Variants in AFF3 observed in about 807,000 individuals in gnomAD.
The protein encoded by AFF3 is ALF transcription elongation factor 3, also known as AF4/FMR2 family member 3.
Under a neutral mutation model 129.7 loss-of-function variants are expected in AFF3, and 32 were observed. The observed-to-expected ratio is 0.25, with a 90% CI of 0.19 to 0.33. The LOEUF is 0.33. AFF3 is among the 10% of genes least tolerant of loss of function. The pLI, the probability that AFF3 is intolerant of heterozygous loss-of-function variation, is 1.00. For synonymous variants in AFF3, 644 were observed against 635.4 expected, an observed-to-expected ratio of 1.01 and a Z score of -0.20; for missense variants, 1,373 against 1,592.0, an observed-to-expected ratio of 0.86 and a Z score of 2.34.
intron 10 of AFF3, among the ~76,000 whole-genome samples, chr2:99,733,916 T>A (rs1349083543): frequency 1.3e-5 from 2 of 152,174 alleles, no homozygotes; most frequent in Non-Finnish European, 2.9e-5. Flanking sequence ...AGCCCTTTGA[T>A]CTATTGTATA....
chr2:100,028,559 T>C (rs928735196), intron 4 of AFF3, among the ~76,000 whole-genome samples: 3 of 152,168 alleles, frequency 2.0e-5, no homozygotes, highest in Non-Finnish European at 4.4e-5. Flanking sequence ...ATAGTGTGCA[T>C]ATACATATAT....
At chr2:100,116,693 T>C (rs1691748285) in intron 2 of AFF3, among the ~76,000 whole-genome samples, 1 of 152,142 alleles carries the variant, frequency 6.6e-6, no homozygotes, top group African/African-American at 2.4e-5. Context: ...ATTTTCTATA[T>C]ATTAAACCCC....
chr2:100,055,014 T>C (rs1330515838), intron 4 of AFF3, among the ~76,000 whole-genome samples: 4 of 152,228 alleles, frequency 2.6e-5, no homozygotes, highest in Non-Finnish European at 5.9e-5. Flanking sequence ...ATTATGTCAA[T>C]GTAGGCTGAG....
chr2:99,649,384 T>C (rs1292298046), intron 13 of AFF3, among the ~76,000 whole-genome samples: 1 of 152,174 alleles, frequency 6.6e-6, no homozygotes, highest in Non-Finnish European at 1.5e-5. Context: ...TCTCTCTAAG[T>C]TTCTTGTCTC....
At chr2:100,135,274 C>T (rs1025107914) in intron 1 of AFF3, among the ~76,000 whole-genome samples, 1 of 152,178 alleles carries the variant, frequency 6.6e-6, no homozygotes, top group Non-Finnish European at 1.5e-5. Flanking sequence ...GACATTGTCA[C>T]GCCTCCCTCA....
intron 8 of AFF3, among the ~76,000 whole-genome samples, chr2:99,836,213 G>A (rs926176662): frequency 3.3e-5 from 5 of 151,944 alleles, no homozygotes; most frequent in Admixed American, 1.3e-4. Context: ...ATCCTTTTGT[G>A]GACATAAACA....
chr2:99,602,880 C>T (rs1282679242), intron 13 of AFF3, among the ~76,000 whole-genome samples: 1 of 152,198 alleles, frequency 6.6e-6, no homozygotes, highest in African/African-American at 2.4e-5. Context: ...AGGTAATACT[C>T]ATTGGAGCTT....
At chr2:99,930,436 G>A (rs539585277) in intron 7 of AFF3, among the ~76,000 whole-genome samples, 21 of 152,132 alleles carry the variant, frequency 1.4e-4, no homozygotes, top group Non-Finnish European at 2.2e-4. Context: ...TGTACCATGC[G>A]GTCAGCCAAA....
At chr2:99,903,674 G>A (rs1241005665) in intron 7 of AFF3, among the ~76,000 whole-genome samples, 1 of 152,106 alleles carries the variant, frequency 6.6e-6, no homozygotes, top group African/African-American at 2.4e-5. Flanking sequence ...TTCTGTTATA[G>A]TTTGAAATAT....
intron 2 of AFF3, chr2:100,109,715 CTAAAG>C (rs1691448230): frequency 6.6e-6 from 1 of 152,150 alleles, no homozygotes; most frequent in Admixed American, 6.5e-5. Flanking sequence ...GGGTGCTGTT[CTAAAG>C]TATCAACTCC....
chr2:99,724,719 T>C (rs1386624320), intron 11 of AFF3, among the ~76,000 whole-genome samples: 1 of 152,198 alleles, frequency 6.6e-6, no homozygotes, highest in Non-Finnish European at 1.5e-5. Context: ...TCTCACTCTT[T>C]ATCCGTAATG....
At chr2:99,826,134 C>T (rs1304595685) in intron 8 of AFF3, among the ~76,000 whole-genome samples, 1 of 152,148 alleles carries the variant, frequency 6.6e-6, no homozygotes, top group African/African-American at 2.4e-5. Flanking sequence ...CATGCCTCAG[C>T]CTCCTGAGTA....
At chr2:99,668,806 C>T (rs1049457794) in intron 12 of AFF3, among the ~76,000 whole-genome samples, 3 of 152,118 alleles carry the variant, frequency 2.0e-5, no homozygotes, top group Non-Finnish European at 2.9e-5. Context: ...AGATGATCCA[C>T]CTGCCTTGGC....
intron 8 of AFF3, among the ~76,000 whole-genome samples, chr2:99,783,746 G>A (rs1684575384): frequency 6.6e-6 from 1 of 152,144 alleles, no homozygotes. Flanking sequence ...AAGAAAGAAT[G>A]GTCAGGAGAC....
intron 17 of AFF3, among the ~76,000 whole-genome samples, chr2:99,578,928 T>C (rs1677250394): frequency 6.6e-6 from 1 of 152,198 alleles, no homozygotes; most frequent in African/African-American, 2.4e-5. Flanking sequence ...GGACCTAGAA[T>C]CTGCCTTTCC....
intron 11 of AFF3, among the ~76,000 whole-genome samples, chr2:99,678,678 G>A (rs1024716904): frequency 3.3e-5 from 5 of 152,156 alleles, no homozygotes; most frequent in African/African-American, 7.2e-5. Context: ...CTCCACCTAC[G>A]TGAGATTTAA....
intron 8 of AFF3, among the ~76,000 whole-genome samples, chr2:99,770,790 G>A (rs1340469743): frequency 2.0e-5 from 3 of 152,114 alleles, no homozygotes; most frequent in South Asian, 2.1e-4. Flanking sequence ...TGAGAGGTAC[G>A]GCCTGAAAAT....
intron 7 of AFF3, among the ~76,000 whole-genome samples, chr2:99,884,174 A>AT (rs1429485268): frequency 6.6e-6 from 1 of 152,174 alleles, no homozygotes; most frequent in Non-Finnish European, 1.5e-5. Context: ...ATAACTATTT[A>AT]TTTTTTGATT....
chr2:100,022,046 G>C (rs966076122), intron 4 of AFF3, among the ~76,000 whole-genome samples: 2 of 152,188 alleles, frequency 1.3e-5, no homozygotes, highest in Non-Finnish European at 2.9e-5. Context: ...GCTTGACTCA[G>C]AGGAAGACAT....
Sources: gnomAD v4.1 joint callset for allele counts (sites outside exome capture counted in the v4.1 genomes callset) on GRCh38, gnomAD v4.1.1 for gene constraint, MANE v1.5 for transcripts, NCBI Gene and HGNC (gene_info 2026-07-23, HGNC 2026-07-21) for gene names.